The following PPFIA3 variants were observed in gnomAD, a reference collection of about 807,000 sequenced individuals.
PPFIA3 encodes PPFI scaffold protein A3.
PPFIA3 carries 26 observed loss-of-function variants against 145.8 expected under a neutral mutation model. The ratio of observed to expected loss-of-function variants is 0.18; its 90% CI spans 0.13 to 0.25. The LOEUF is 0.25. Ranked by LOEUF, PPFIA3 falls within the 10% of genes least tolerant of loss-of-function variation. The probability of loss-of-function intolerance (pLI) is 1.00; values close to 1 mark genes in which losing one functional copy is unlikely to be tolerated. For synonymous variants in PPFIA3, 645 were observed against 661.4 expected, an observed-to-expected ratio of 0.98 and a Z score of 0.38; for missense variants, 1,008 against 1,587.8, an observed-to-expected ratio of 0.63 and a Z score of 6.21.
At chr19:49,129,971 G>A (rs2041048786) in intron 5 of PPFIA3, 22 bp from the exon 6 acceptor site, 1 of 1,613,024 alleles carries the variant, frequency 6.2e-7, no homozygotes, top group Non-Finnish European at 8.5e-7. Context: ...CCTGTGCTCT[G>A]ATTCCCCTTT....
In PPFIA3 at chr19:49,130,612, G is replaced by C; in HGVS notation, c.879+13G>C. 1 of 1,547,722 alleles carries C rather than the reference G, an allele frequency of 6.5e-7. No homozygotes were observed. Among genetic ancestry groups the C allele is most frequent in the Non-Finnish European group, 8.7e-7 (1 of 1,146,226 alleles). The stretch of plus-strand genomic sequence containing the variant: ...CGACCTCAAGGAGGTGAGGCCCCCA[G>C]GGAGGCGGGCTGCCCTGGGTCCCTC... On this transcript the variant is annotated intron_variant, in intron 7 of 29. Coordinates refer to ENST00000334186, the MANE Select transcript of PPFIA3 (RefSeq NM_003660.4). This position sits in a 1 kb window ranked among gnomAD's most constrained non-coding sequence, Gnocchi z 4.5.
chr19:49,128,009 C>A lies in PPFIA3; in HGVS notation c.136C>A (p.Leu46Met). 6.3e-7 allele frequency: 1 copy of A among 1,596,508 alleles called. No homozygotes were observed. The highest frequency in any genetic ancestry group is 1.1e-5 in the South Asian group (1 of 91,010). ...GGAGCGCGAGCGCCTGCTGGAGACG[C>A]TGCGCGAGGCACAGGACGGGTTGGC... ...LTERERLLET[L>M]REAQDGLATA... The change falls in exon 2 of 30, where the codon CTG (leucine) becomes ATG (methionine). Residue 46 changes from leucine to methionine, a missense_variant. Transcript: ENST00000334186. This position sits in a 1 kb window ranked among gnomAD's most constrained non-coding sequence, Gnocchi z 4.1.
At chr19:49,124,344 C>A (rs1046612988) in intron 1 of PPFIA3, among the ~76,000 whole-genome samples, 3 of 152,130 alleles carry the variant, frequency 2.0e-5, no homozygotes, top group Non-Finnish European at 4.4e-5. Context: ...CAGGCATGAG[C>A]CACCGCGCCT....
intron 14 of PPFIA3, 70 bp downstream of exon 14, chr19:49,135,993 T>C: frequency 7.0e-7 from 1 of 1,424,054 alleles, no homozygotes; most frequent in South Asian, 1.5e-5. Context: ...TGGAACTAAA[T>C]CTGTGGGGCT....
At position 49,130,153 on chromosome 19, in the gene PPFIA3, C is replaced by G; in HGVS notation, c.657+86C>G. ...TTTGTAACGTTTGGTATCATCCTCA[C>G]TGGCCCTAAGACGGCTGCACCTGTA... On this transcript the variant is annotated intron_variant, in intron 6 of 29. Transcript: ENST00000334186. This position sits in a 1 kb window ranked among gnomAD's most constrained non-coding sequence, Gnocchi z 4.5. 2 of 1,412,350 alleles carry G rather than the reference C, an allele frequency of 1.4e-6. No homozygotes were observed. Among genetic ancestry groups the G allele is most frequent in the South Asian group, 1.3e-5 (1 of 78,188 alleles). 87.5% of individuals were successfully genotyped at this position (1,412,350 alleles called of 1,614,324 possible).
rs1182346446 is a variant in PPFIA3 at position 49,139,680 on chromosome 19, AAGG to A, written c.2094_2096del (p.Glu699del). ...CCTCTGTCCTCAGAATCATGTCCCT[AAGG>A]AGGAAGCTGGAGCTCCACGAGGGGA... is the stretch of plus-strand genomic sequence containing the variant. On this transcript the variant is annotated inframe_deletion, in exon 17 of 30. Transcript: ENST00000334186. 6.2e-7 allele frequency: 1 copy of A among 1,603,136 alleles called. No individual in the cohort carries two copies. Among genetic ancestry groups the A allele is most frequent in the Admixed American group, 1.7e-5 (1 of 58,260 alleles).
intron 21 of PPFIA3, among the ~76,000 whole-genome samples, chr19:49,143,767 G>GTAC (rs1324954020): frequency 2.6e-5 from 4 of 152,176 alleles, no homozygotes; most frequent in Non-Finnish European, 5.9e-5. Flanking sequence ...TACTTGCTCT[G>GTAC]TTGTGTGTGT....
chr19:49,142,714 G>GC, intron 20 of PPFIA3, 90 bp from the exon 21 acceptor site: 3 of 855,502 alleles, frequency 3.5e-6, no homozygotes, highest in Non-Finnish European at 3.5e-6. Flanking sequence ...CCACCCCCTT[G>GC]CCTTTCCCCA....
intron 23 of PPFIA3, among the ~76,000 whole-genome samples, chr19:49,147,331 C>T (rs1396114006): frequency 1.3e-5 from 2 of 152,040 alleles, no homozygotes; most frequent in Admixed American, 6.6e-5. Context: ...GCAGGAGGAC[C>T]GCTTGAGCCC....
rs760197901 is a variant in PPFIA3, at chr19:49,134,144, C to A, written c.1356C>A (p.Arg452=). The A allele has an allele frequency of 2.5e-6, 4 of 1,611,750 alleles. No individual in the cohort carries two copies. In the East Asian group the frequency reaches 8.9e-5, roughly 36 times the overall value. The change falls in exon 11 of 30, where the codon CGC becomes CGA. Residue 452 remains arginine (R), a synonymous_variant. Coordinates refer to ENST00000334186, the MANE Select transcript of PPFIA3 (RefSeq NM_003660.4). ...GCTTACAGCTTCACCTCAAGGAGCG[C>A]ATGGGGGCGCTGGAGGAGAAGGTGC... ...NERLQLHLKE[R]MGALEEKNSL... is the part of the protein sequence containing the mutation.
intron 24 of PPFIA3, 184 bp from the exon 25 acceptor site, chr19:49,148,482 G>T: frequency 2.8e-6 from 2 of 725,954 alleles, no homozygotes; most frequent in South Asian, 3.8e-5. Flanking sequence ...CCCCTTCCAG[G>T]CTGGCCAGTA....
intron 25 of PPFIA3, 75 bp from the exon 26 acceptor site, chr19:49,148,918 G>A: frequency 6.3e-7 from 1 of 1,588,586 alleles, no homozygotes; most frequent in Non-Finnish European, 8.6e-7. Context: ...AGACCAAATG[G>A]AGGTGGAGGT....
At position 49,124,351 on chromosome 19, in the gene PPFIA3, G is replaced by A. The variant is rs1377815210; in HGVS notation, c.-15-3508G>A. ...TGGGATTACAGGCATGAGCCACCGC[G>A]CCTGGCCCCCTGCTATATTCTGTGT... On this transcript the variant is annotated intron_variant, in intron 1 of 29. Coordinates refer to ENST00000334186, the MANE Select transcript of PPFIA3 (RefSeq NM_003660.4). Among the ~76,000 whole-genome samples, 11 of 152,086 alleles carry A rather than the reference G, an allele frequency of 7.2e-5. No individual in the cohort carries two copies. The South Asian group carries it at 1.2e-3, about 17-fold the overall frequency.
chr19:49,138,326 C>T lies in PPFIA3; in HGVS notation c.1975C>T (p.Leu659Phe), dbSNP rs745375099. ...CAGCAGCTGCTCCCTGCCCCCCTCC[C>T]TCACCACCTCTACCCTTGCCAGCCC... is the stretch of plus-strand genomic sequence containing the variant. ...YRSSCSLPPS[L>F]TTSTLASPSP... The change falls in exon 16 of 30, where the codon CTC (leucine) becomes TTC (phenylalanine). Residue 659 changes from leucine to phenylalanine, a missense_variant. By Grantham distance (22) the Leu-to-Phe change is conservative. Around this residue, in one of 11 missense-constraint regions of PPFIA3, gnomAD observed 202 missense variants for 241.8 expected, o/e 0.84. Coordinates refer to ENST00000334186, the MANE Select transcript of PPFIA3 (RefSeq NM_003660.4). 3.1e-6 allele frequency: 5 copies of T among 1,612,616 alleles called. No homozygotes were observed. The highest frequency in any genetic ancestry group is 4.2e-6 in the Non-Finnish European group (5 of 1,179,584).
At chr19:49,122,078 A>G (rs1351262927) in intron 1 of PPFIA3, among the ~76,000 whole-genome samples, 4 of 131,820 alleles carry the variant, frequency 3.0e-5, no homozygotes, top group Admixed American at 7.8e-5. Flanking sequence ...CCAGATGCCA[A>G]TTTTTTTTTT....
chr19:49,145,590 C>A, intron 21 of PPFIA3: 1 of 301,352 alleles, frequency 3.3e-6, no homozygotes, highest in Non-Finnish European at 6.3e-6. Flanking sequence ...GTGAACCCCC[C>A]CCGCCATACT....
In PPFIA3 at chr19:49,149,132, G is replaced by C; in HGVS notation, c.3249G>C (p.Leu1083=). ...ACGAGACCTTCGACTACTCCGACCTGGCCTTGCTCCTGCAGATCCCCACGC... is the reference window on the plus strand; with the variant it reads ...ACGAGACCTTCGACTACTCCGACCTCGCCTTGCTCCTGCAGATCCCCACGC... ...ALDETFDYSD[L]ALLLQIPTQN... The change falls in exon 26 of 30, where the codon CTG becomes CTC. Residue 1083 remains leucine, a synonymous_variant. Transcript: ENST00000334186. This position sits in a 1 kb window ranked among gnomAD's most constrained non-coding sequence, Gnocchi z 5.7. 6.2e-7 allele frequency: 1 copy of C among 1,614,142 alleles called. No homozygotes were observed.
rs2041052487 is a variant in PPFIA3, at chr19:49,130,299, C to A, written c.658-79C>A. The A allele has an allele frequency of 1.5e-6, 2 of 1,363,724 alleles. No homozygotes were observed. Among genetic ancestry groups the A allele is most frequent in the Admixed American group, 4.5e-5 (2 of 44,170 alleles). 84.5% of individuals were successfully genotyped at this position (1,363,724 alleles called of 1,614,324 possible). ...TTATTGATCTTTGATCTACTTTCAG[C>A]TGATTGACTTTCTCCTTGGATTTCC... On this transcript the variant is annotated intron_variant, in intron 6 of 29. Transcript: ENST00000334186. The surrounding 1 kb of genome is among the most constrained non-coding windows in gnomAD (Gnocchi z 4.5).
chr19:49,120,244 C>T lies in PPFIA3; in HGVS notation c.-16+522C>T, dbSNP rs1273905323. 1.3e-5 allele frequency among the ~76,000 whole-genome samples: 2 copies of T among 152,028 alleles called. No individual in the cohort carries two copies. Among genetic ancestry groups the T allele is most frequent in the Admixed American group, 6.5e-5 (1 of 15,274 alleles). On this transcript the variant is annotated intron_variant, in intron 1 of 29. Transcript: ENST00000334186. This position sits in a 1 kb window ranked among gnomAD's most constrained non-coding sequence, Gnocchi z 4.6. ...CCTCGCCTCCCCCCACCTCCTGCCG[C>T]CGCCACCAGGGAGGGGGCGCAGGCG... is the stretch of plus-strand genomic sequence containing the variant.
Sources: allele counts gnomAD v4.1 joint callset (sites outside exome capture counted in the v4.1 genomes callset), GRCh38; gene constraint gnomAD v4.1.1; regional missense constraint gnomAD v4.1.1; non-coding constraint Gnocchi (gnomAD v3.1); transcripts MANE v1.5; gene names NCBI Gene and HGNC (gene_info 2026-07-23, HGNC 2026-07-21).